The following ANKRD55 variants were observed in gnomAD, a reference collection of about 807,000 sequenced individuals.
ANKRD55 encodes ankyrin repeat domain 55.
In ANKRD55, 41 loss-of-function variants were observed where a neutral mutation model predicts 60.6. That is an observed-to-expected ratio of 0.68 (90% CI 0.53 to 0.88). The LOEUF is 0.88. Ranked by LOEUF, ANKRD55 falls within the 40% of genes least tolerant of loss-of-function variation. ANKRD55 has a pLI of 0.00. For synonymous variants in ANKRD55, 264 were observed against 290.3 expected, an observed-to-expected ratio of 0.91 and a Z score of 0.92; for missense variants, 732 against 767.6, an observed-to-expected ratio of 0.95 and a Z score of 0.55.
rs1409658167 is a variant in ANKRD55 at position 56,134,035 on chromosome 5, T to C, written c.613-6929A>G. ...AAAGCTGGTTCTTAGAAAAGATTAATAAAAGTGATAAGCCTCTAGCCAGGC... is the reference window on the plus strand; with the variant it reads ...AAAGCTGGTTCTTAGAAAAGATTAACAAAAGTGATAAGCCTCTAGCCAGGC... On this transcript the variant is annotated intron_variant, in intron 7 of 11. Coordinates refer to ENST00000341048, the MANE Select transcript of ANKRD55 (RefSeq NM_024669.3). 1.8e-5 allele frequency among the ~76,000 whole-genome samples: 2 copies of C among 112,690 alleles called. 1 individual carries two copies. The highest frequency in any genetic ancestry group is 5.8e-5 in the African/African-American group (2 of 34,730). 73.9% of individuals were successfully genotyped at this position (112,690 alleles called of 152,430 possible).
chr5:56,109,472 A>G (rs1466086766), intron 10 of ANKRD55, among the ~76,000 whole-genome samples: 1 of 152,092 alleles, frequency 6.6e-6, no homozygotes, highest in African/African-American at 2.4e-5. Context: ...GGCACCGAAC[A>G]GGTTTCGGAA....
intron 2 of ANKRD55, among the ~76,000 whole-genome samples, chr5:56,227,775 C>T (rs906831834): frequency 1.8e-4 from 27 of 152,034 alleles, no homozygotes; most frequent in African/African-American, 6.0e-4. Context: ...TTTTGAATTT[C>T]CTCATCGATA....
Position 56,152,930 on chromosome 5 carries a change from A to G in ANKRD55, c.483+6903T>C, listed in dbSNP as rs1268242732. On this transcript the variant is annotated intron_variant, in intron 6 of 11. Transcript: ENST00000341048. ...TCAAAAGAAAAAGCAGAAACAGACAAGAATGATCATTTTAATTATATCAGA... is the reference window on the plus strand; with the variant it reads ...TCAAAAGAAAAAGCAGAAACAGACAGGAATGATCATTTTAATTATATCAGA... Among the ~76,000 whole-genome samples the G allele has an allele frequency of 4.6e-5, 7 of 152,172 alleles. No individual in the cohort carries two copies. In the South Asian group the frequency reaches 8.3e-4, roughly 18 times the overall value.
intron 4 of ANKRD55, among the ~76,000 whole-genome samples, chr5:56,175,506 G>T (rs1323612736): frequency 6.6e-6 from 1 of 152,214 alleles, no homozygotes; most frequent in Non-Finnish European, 1.5e-5. Flanking sequence ...AGAGGAGAGG[G>T]TCTTGAGGAT....
At chr5:56,112,069 T>A (rs1756726314) in intron 9 of ANKRD55, among the ~76,000 whole-genome samples, 1 of 152,182 alleles carries the variant, frequency 6.6e-6, no homozygotes, top group Admixed American at 6.5e-5. Context: ...TACACCTAGA[T>A]CATCTGTTTT....
At chr5:56,111,852 C>G in intron 9 of ANKRD55, 70 bp from the exon 10 acceptor site, 1 of 1,352,518 alleles carries the variant, frequency 7.4e-7, no homozygotes, top group Admixed American at 2.7e-5. Flanking sequence ...ACCGAAATAC[C>G]GACCCCCTAT....
At chr5:56,129,113 C>A (rs1328383597) in intron 7 of ANKRD55, among the ~76,000 whole-genome samples, 1 of 152,172 alleles carries the variant, frequency 6.6e-6, no homozygotes, top group Non-Finnish European at 1.5e-5. Context: ...GATCACTTGC[C>A]TCCTGGTGAC....
Position 56,107,873 on chromosome 5 carries a change from T to C in ANKRD55, c.1630+3245A>G, listed in dbSNP as rs318793. Among the ~76,000 whole-genome samples the C allele has an allele frequency of 3.4e-3, 300 of 88,144 alleles. 2 individuals are homozygous for C. Among genetic ancestry groups the C allele is most frequent in the Non-Finnish European group, 6.3e-3 (221 of 34,990 alleles). The allele number at this position is 88,144 out of a possible 152,430, so 57.8% of individuals were successfully genotyped here. ...CTTCTTTCATGTGATAGCAATAAAC[T>C]TTTTTTTTTTTTTTGAGACAGGGCC... is the stretch of plus-strand genomic sequence containing the variant. On this transcript the variant is annotated intron_variant, in intron 10 of 11. Transcript: ENST00000341048.
At chr5:56,212,607 T>C (rs550994822) in intron 2 of ANKRD55, among the ~76,000 whole-genome samples, 5 of 152,336 alleles carry the variant, frequency 3.3e-5, no homozygotes, top group Admixed American at 3.3e-4. Context: ...TTCAGCAACT[T>C]TATGAAGTAG....
Position 56,120,899 on chromosome 5 carries a change from C to CAA in ANKRD55, c.798-4119_798-4118dup, listed in dbSNP as rs34532327. On this transcript the variant is annotated intron_variant, in intron 8 of 11. Coordinates refer to ENST00000341048, the MANE Select transcript of ANKRD55 (RefSeq NM_024669.3). ...TGGGCGACAGAGGGAGACTCCGTCT[C>CAA]AAAAAAAAAAAAAAAAAAAAGATGG... 5.4e-3 allele frequency among the ~76,000 whole-genome samples: 434 copies of CAA among 80,894 alleles called. 4 individuals are homozygous for CAA. The highest frequency in any genetic ancestry group is 0.013 in the Middle Eastern group (2 of 156). 53.1% of individuals were successfully genotyped at this position (80,894 alleles called of 152,430 possible).
At chr5:56,132,982 T>C (rs1273782830) in intron 7 of ANKRD55, among the ~76,000 whole-genome samples, 2 of 152,196 alleles carry the variant, frequency 1.3e-5, no homozygotes, top group African/African-American at 2.4e-5. Flanking sequence ...TAACGATCCT[T>C]ATGTACCGAA....
chr5:56,178,189 CT>C (rs771022958), intron 3 of ANKRD55, among the ~76,000 whole-genome samples: 6 of 151,064 alleles, frequency 4.0e-5, no homozygotes, highest in Non-Finnish European at 8.9e-5. Context: ...CAAATCTTTT[CT>C]TTCTTTTTTT....
intron 2 of ANKRD55, among the ~76,000 whole-genome samples, chr5:56,183,856 G>C (rs1475014649): frequency 6.6e-6 from 1 of 152,180 alleles, no homozygotes; most frequent in African/African-American, 2.4e-5. Context: ...AGGAACCTGA[G>C]GGATTGGATG....
At chr5:56,175,868 C>G (rs956554612) in intron 4 of ANKRD55, among the ~76,000 whole-genome samples, 3 of 152,054 alleles carry the variant, frequency 2.0e-5, no homozygotes, top group Non-Finnish European at 4.4e-5. Context: ...CCAGAAATAT[C>G]CCAAGAGAAA....
chr5:56,177,686 A>G (rs1758765164), intron 3 of ANKRD55, among the ~76,000 whole-genome samples: 1 of 152,044 alleles, frequency 6.6e-6, no homozygotes. Context: ...GAGGCAGGAG[A>G]ATTGCTTGAA....
chr5:56,191,263 G>A (rs1759087151), intron 2 of ANKRD55, among the ~76,000 whole-genome samples: 1 of 152,188 alleles, frequency 6.6e-6, no homozygotes, highest in Admixed American at 6.5e-5. Context: ...GATTTTGACA[G>A]AGATTATATT....
chr5:56,140,759 G>T (rs116790878), intron 7 of ANKRD55, among the ~76,000 whole-genome samples: 62 of 152,232 alleles, frequency 4.1e-4, no homozygotes, highest in South Asian at 6.2e-4. Context: ...GGAAAGGAGG[G>T]AGCTTTAAAT....
At chr5:56,206,641 C>T (rs184302417) in intron 2 of ANKRD55, among the ~76,000 whole-genome samples, 23 of 151,680 alleles carry the variant, frequency 1.5e-4, no homozygotes, top group African/African-American at 3.2e-4. Context: ...CTGCTCTTTC[C>T]ATCCCTCCCA....
chr5:56,137,568 A>C, intron 7 of ANKRD55: 4 of 88,764 alleles, frequency 4.5e-5, no homozygotes, highest in Non-Finnish European at 2.6e-5. Flanking sequence ...AAAGTAAAAG[A>C]AAAAAAAAAA....
Sources: gnomAD v4.1 joint callset for allele counts (sites outside exome capture counted in the v4.1 genomes callset) on GRCh38, gnomAD v4.1.1 for gene constraint, MANE v1.5 for transcripts, NCBI Gene and HGNC (gene_info 2026-07-23, HGNC 2026-07-21) for gene names.